Variants in FH observed in about 807,000 individuals in gnomAD.
The protein encoded by FH is fumarate hydratase, mitochondrial.
In FH, 22 loss-of-function variants were observed where a neutral mutation model predicts 49.4. The observed-to-expected ratio is 0.45, with a 90% confidence interval of 0.32 to 0.64. The LOEUF is 0.64. Ranked by LOEUF, FH falls within the 30% of genes least tolerant of loss-of-function variation. The pLI is 0.05. For missense variants in FH, 526 were observed against 641.5 expected (o/e 0.82, Z 1.95); for synonymous variants, 208 against 223.0 (o/e 0.93, Z 0.60).
At position 241,512,911 on chromosome 1, in the gene FH, GT is replaced by G. The variant is rs1242684072; in HGVS notation, c.378+691del. Among the ~76,000 whole-genome samples, 80 of 48,220 alleles carry G rather than the reference GT, an allele frequency of 1.7e-3. 1 individual carries two copies. Among genetic ancestry groups the G allele is most frequent in the South Asian group, 0.013 (14 of 1,040 alleles). The allele number at this position is 48,220 out of a possible 152,430, so 31.6% of individuals were successfully genotyped here. A position where few individuals can be genotyped will look rare whatever the true frequency, so the allele number is the denominator to read the frequency against. On this transcript the variant is annotated intron_variant, in intron 3 of 9. Coordinates refer to ENST00000366560, the MANE Select transcript of FH (RefSeq NM_000143.4). ...CCAGTCTCTATCTCATGCAATGAGG[GT>G]GTGTGTGTGTGTGTGTGTGTGTGTG...
intron 9 of FH, 106 bp from the exon 10 acceptor site, chr1:241,498,076 C>A: frequency 9.5e-7 from 1 of 1,052,108 alleles, no homozygotes; most frequent in Non-Finnish European, 1.5e-6. Flanking sequence ...ATATGGGCCT[C>A]TTAAATGACA....
intron 8 of FH, among the ~76,000 whole-genome samples, chr1:241,500,968 A>T (rs1333436901): frequency 6.6e-6 from 1 of 152,160 alleles, no homozygotes; most frequent in East Asian, 1.9e-4. Flanking sequence ...TTGGCCAGAG[A>T]AGGAAAAAGA....
chr1:241,507,298 G>A (rs1659955784), intron 5 of FH, among the ~76,000 whole-genome samples: 1 of 152,128 alleles, frequency 6.6e-6, no homozygotes, highest in Non-Finnish European at 1.5e-5. Context: ...TATAGCCTAG[G>A]TGTATAGAAG....
chr1:241,518,530 G>C (rs1660280431), intron 1 of FH, among the ~76,000 whole-genome samples: 1 of 152,148 alleles, frequency 6.6e-6, no homozygotes, highest in African/African-American at 2.4e-5. Context: ...TTGAAGTTTA[G>C]AGTCCAGAAA....
At chr1:241,507,885 T>C (rs1470800433) in intron 5 of FH, among the ~76,000 whole-genome samples, 1 of 152,194 alleles carries the variant, frequency 6.6e-6, no homozygotes, top group Non-Finnish European at 1.5e-5. Context: ...CTACCCCAAT[T>C]GGAGTGTGAG....
At chr1:241,518,586 G>C (rs1660282544) in intron 1 of FH, among the ~76,000 whole-genome samples, 1 of 152,136 alleles carries the variant, frequency 6.6e-6, no homozygotes, top group Non-Finnish European at 1.5e-5. Flanking sequence ...CTTATTTAAT[G>C]AGCACTCGCT....
intron 8 of FH, among the ~76,000 whole-genome samples, chr1:241,501,311 G>T (rs896732649): frequency 6.6e-6 from 1 of 152,048 alleles, no homozygotes; most frequent in Non-Finnish European, 1.5e-5. Flanking sequence ...GTTTTAATTT[G>T]CTACTAATGA....
intron 4 of FH, among the ~76,000 whole-genome samples, chr1:241,510,010 C>T (rs1181978727): frequency 6.6e-6 from 1 of 152,128 alleles, no homozygotes; most frequent in Non-Finnish European, 1.5e-5. Flanking sequence ...AACATGTAGC[C>T]AATCACGTTT....
Position 241,504,108 on chromosome 1 carries a change from C to T in FH, c.1042G>A (p.Gly348Ser), listed in dbSNP as rs781411095. 1 of 1,614,228 alleles carries T rather than the reference C, an allele frequency of 6.2e-7. No homozygotes were observed. Among genetic ancestry groups the T allele is most frequent in the South Asian group, 1.1e-5 (1 of 91,086 alleles). The change falls in exon 7 of 10, where the codon GGT becomes AGT. Residue 348 changes from glycine to serine, a missense_variant. By Grantham distance (56) the Gly-to-Ser change is moderately conservative. Coordinates refer to ENST00000366560, the MANE Select transcript of FH (RefSeq NM_000143.4). ...AATTCTCCCAGACCTGACCGAGGAC[C>T]AGAACCCAAAAATCGAATATCATTT... ...IANDIRFLGSGPRSGLGELIL... is the reference protein window; with the variant it reads ...IANDIRFLGSSPRSGLGELIL...
At position 241,519,633 on chromosome 1, in the gene FH, G is replaced by T. The variant is rs1262096783; in HGVS notation, c.90C>A (p.Gly30=). 1 of 1,547,668 alleles carries T rather than the reference G, an allele frequency of 6.5e-7. No individual in the cohort carries two copies. Among genetic ancestry groups the T allele is most frequent in the Admixed American group, 2.0e-5 (1 of 50,950 alleles). ...GAGGCCAAAACGAGGGCACGGCCGC[G>T]CCACCCAAGCCGGGAGCCGAAGCTA... is the stretch of plus-strand genomic sequence containing the variant. ...AALASAPGLG[G]AAVPSFWPPN... Residue 30 remains glycine (G), a synonymous_variant, in exon 1 of 10, where the codon GGC becomes GGA. Transcript: ENST00000366560.
At chr1:241,511,903 C>T (rs1466608267) in intron 4 of FH, 64 bp downstream of exon 4, 6 of 1,501,982 alleles carry the variant, frequency 4.0e-6, no homozygotes, top group South Asian at 2.3e-5. Context: ...GCTTGTTTTA[C>T]AAGAACAATC....
intron 2 of FH, among the ~76,000 whole-genome samples, chr1:241,515,936 T>A (rs1660199951): frequency 6.6e-6 from 1 of 152,208 alleles, no homozygotes; most frequent in African/African-American, 2.4e-5. Flanking sequence ...AGTTTTCTCA[T>A]CATTTAATCA....
At chr1:241,503,980 A>AGCTAAGAATGCCTAGGTCC in intron 7 of FH, 62 bp downstream of exon 7, 19 of 1,471,088 alleles carry the variant, frequency 1.3e-5, no homozygotes, top group Non-Finnish European at 1.8e-5. Context: ...CATGGTCCAT[A>AGCTAAGAATGCCTAGGTCC]GCTAAGAATG....
At chr1:241,499,164 T>C (rs1246275400) in intron 9 of FH, among the ~76,000 whole-genome samples, 1 of 152,202 alleles carries the variant, frequency 6.6e-6, no homozygotes, top group Non-Finnish European at 1.5e-5. Context: ...GCAACCAGCC[T>C]GGTACATAAT....
intron 6 of FH, among the ~76,000 whole-genome samples, chr1:241,504,621 T>G (rs1054430283): frequency 5.1e-4 from 78 of 152,244 alleles, no homozygotes; most frequent in African/African-American, 1.8e-3. Flanking sequence ...CTTTAATTTT[T>G]AGTAGAGATG....
intron 7 of FH, among the ~76,000 whole-genome samples, chr1:241,503,288 A>G (rs1573879882): frequency 6.6e-6 from 1 of 152,288 alleles, no homozygotes; most frequent in Non-Finnish European, 1.5e-5. Context: ...ACAAAATTTC[A>G]TCTCTTCTTA....
Position 241,506,143 on chromosome 1 carries a change from A to G in FH, c.764T>C (p.Val255Ala). Residue 255 changes from valine to alanine, a missense_variant, in exon 6 of 10, where the codon GTA (valine) becomes GCA (alanine). Physicochemically the swap from Val to Ala is moderately conservative, Grantham distance 64. This residue lies in a region of FH where 383 missense variants were observed against 514.0 expected (regional missense o/e 0.75). Transcript: ENST00000366560. ...TTTTATTCTTGTCATTGCATATTTTACTTGTTGAACATAACCACTAAATTC... is the reference window on the plus strand; with the variant it reads ...TTTTATTCTTGTCATTGCATATTTTGCTTGTTGAACATAACCACTAAATTC... Reference protein sequence around the residue: ...GQEFSGYVQQVKYAMTRIKAA... With the variant: ...GQEFSGYVQQAKYAMTRIKAA... 1 of 1,613,750 alleles carries G rather than the reference A, an allele frequency of 6.2e-7. No individual in the cohort carries two copies. Among genetic ancestry groups the G allele is most frequent in the South Asian group, 1.1e-5 (1 of 91,076 alleles).
intron 7 of FH, among the ~76,000 whole-genome samples, chr1:241,503,665 G>C (rs1659837188): frequency 1.3e-5 from 2 of 152,224 alleles, no homozygotes; most frequent in African/African-American, 4.8e-5. Context: ...TCTATCAAAT[G>C]ACTTGCTGAA....
At chr1:241,519,521 C>A in intron 1 of FH, 70 bp downstream of exon 1, 2 of 1,497,290 alleles carry the variant, frequency 1.3e-6, no homozygotes, top group South Asian at 1.2e-5. Flanking sequence ...AAGTCGCGGG[C>A]GCCCAGGCCG....
Sources: allele counts gnomAD v4.1 joint callset (sites outside exome capture counted in the v4.1 genomes callset), GRCh38; gene constraint gnomAD v4.1.1; regional missense constraint gnomAD v4.1.1; transcripts MANE v1.5; gene names NCBI Gene and HGNC (gene_info 2026-07-23, HGNC 2026-07-21).